The following MSRA variants were observed in gnomAD, a reference collection of about 807,000 sequenced individuals.
MSRA encodes methionine sulfoxide reductase A.
Under a neutral mutation model 31.3 loss-of-function variants are expected in MSRA, and 54 were observed. That is an observed-to-expected ratio of 1.73 (90% CI 1.39 to 2.17). The LOEUF is 2.17. Ranked by LOEUF, MSRA falls within the 30% of genes most tolerant of loss-of-function variation. The pLI is 0.00. For synonymous variants in MSRA, 169 were observed against 116.5 expected, an observed-to-expected ratio of 1.45 and a Z score of -2.90; for missense variants, 507 against 300.9, an observed-to-expected ratio of 1.69 and a Z score of -5.07.
At chr8:10,297,796 G>A (rs1366620625) in intron 3 of MSRA, among the ~76,000 whole-genome samples, 1 of 152,202 alleles carries the variant, frequency 6.6e-6, no homozygotes, top group African/African-American at 2.4e-5. Context: ...AACGTCAGTG[G>A]CAGATTATGT....
chr8:10,077,175 C>T (rs982770596), intron 1 of MSRA, among the ~76,000 whole-genome samples: 4 of 152,114 alleles, frequency 2.6e-5, no homozygotes, highest in Non-Finnish European at 5.9e-5. Flanking sequence ...GATGGTCGGC[C>T]ACAGCCATTG....
intron 5 of MSRA, among the ~76,000 whole-genome samples, chr8:10,420,085 G>A (rs1040487897): frequency 6.6e-6 from 1 of 152,186 alleles, no homozygotes; most frequent in African/African-American, 2.4e-5. Flanking sequence ...TGTACGTAGA[G>A]TGGAATAGTG....
At chr8:10,064,793 G>C (rs938338179) in intron 1 of MSRA, among the ~76,000 whole-genome samples, 3 of 152,172 alleles carry the variant, frequency 2.0e-5, no homozygotes, top group African/African-American at 7.2e-5. Context: ...GCATGGTTCA[G>C]ATGAGGCCAC....
rs746656712 is a variant in MSRA at position 10,428,134 on chromosome 8, C to G, written c.544-14C>G. The G allele has an allele frequency of 1.2e-6, 2 of 1,606,342 alleles. No individual in the cohort carries two copies. The highest frequency in any genetic ancestry group is 1.7e-6 in the Non-Finnish European group (2 of 1,177,596). ...TAGCATGGGAGCTGATGGCGCCTTT[C>G]TGTGTCCCCACAGGTTCTTTCAGAG... On this transcript the variant is annotated splice_polypyrimidine_tract_variant and intron_variant, in intron 5 of 5. Coordinates refer to ENST00000317173, the MANE Select transcript of MSRA (RefSeq NM_012331.5).
At chr8:10,147,385 G>A (rs1215064198) in intron 1 of MSRA, among the ~76,000 whole-genome samples, 2 of 152,162 alleles carry the variant, frequency 1.3e-5, no homozygotes, top group Non-Finnish European at 2.9e-5. Context: ...CTGTTGGCAG[G>A]AGGCCTCAGA....
intron 3 of MSRA, among the ~76,000 whole-genome samples, chr8:10,253,790 G>C (rs1798036604): frequency 2.0e-5 from 3 of 152,106 alleles, no homozygotes; most frequent in South Asian, 4.1e-4. Context: ...TATGGGATAT[G>C]CTGGGTCTTA....
intron 1 of MSRA, among the ~76,000 whole-genome samples, chr8:10,144,206 C>G (rs1049084728): frequency 1.3e-5 from 2 of 152,122 alleles, no homozygotes; most frequent in African/African-American, 4.8e-5. Flanking sequence ...AGGTGCATAT[C>G]GCTAGTCGTA....
At chr8:10,221,006 G>A (rs1482923361) in intron 2 of MSRA, among the ~76,000 whole-genome samples, 1 of 152,170 alleles carries the variant, frequency 6.6e-6, no homozygotes, top group Admixed American at 6.5e-5. Flanking sequence ...GTGCCTGGCG[G>A]GTGTGTCTTT....
chr8:10,271,065 CTTT>C (rs71837112), intron 3 of MSRA, among the ~76,000 whole-genome samples: 1 of 142,844 alleles, frequency 7.0e-6, no homozygotes. Context: ...GTTCTTTCTT[CTTT>C]TTTTTTTTTT....
intron 1 of MSRA, among the ~76,000 whole-genome samples, chr8:10,113,257 G>C (rs920314247): frequency 7.5e-6 from 1 of 132,880 alleles, no homozygotes; most frequent in Admixed American, 8.6e-5. Flanking sequence ...CCCTACCTGG[G>C]CTGGGGAGGC....
chr8:10,260,700 G>A (rs192820075), intron 3 of MSRA, among the ~76,000 whole-genome samples: 8 of 152,196 alleles, frequency 5.3e-5, no homozygotes, highest in African/African-American at 1.9e-4. Flanking sequence ...ATTGGTGGGG[G>A]GGAATAAAAA....
chr8:10,065,136 T>A (rs963978842), intron 1 of MSRA, among the ~76,000 whole-genome samples: 2 of 151,938 alleles, frequency 1.3e-5, no homozygotes, highest in African/African-American at 4.8e-5. Flanking sequence ...GTCCCTGGGG[T>A]GTCTGGCTTA....
chr8:10,197,257 A>G (rs1476341594), intron 1 of MSRA, among the ~76,000 whole-genome samples: 2 of 152,248 alleles, frequency 1.3e-5, no homozygotes, highest in African/African-American at 4.8e-5. Flanking sequence ...TTATATGCTT[A>G]TCACAGACGC....
At chr8:10,239,606 C>T (rs925815879) in intron 2 of MSRA, among the ~76,000 whole-genome samples, 1 of 152,252 alleles carries the variant, frequency 6.6e-6, no homozygotes, top group Admixed American at 6.5e-5. Flanking sequence ...CTACTTGTCC[C>T]TGTAGCAGTG....
At chr8:10,416,760 G>C (rs1808485380) in intron 5 of MSRA, among the ~76,000 whole-genome samples, 1 of 152,218 alleles carries the variant, frequency 6.6e-6, no homozygotes, top group Non-Finnish European at 1.5e-5. Context: ...GAAGGGCCCA[G>C]ACTTTGCATT....
chr8:10,111,500 C>A (rs750393734), intron 1 of MSRA, among the ~76,000 whole-genome samples: 29 of 152,294 alleles, frequency 1.9e-4, no homozygotes, highest in Middle Eastern at 3.4e-3. Flanking sequence ...TTCCCTTCTT[C>A]ACTCCTGCAG....
chr8:10,112,636 G>C (rs1563108901), intron 1 of MSRA, among the ~76,000 whole-genome samples: 2 of 152,192 alleles, frequency 1.3e-5, no homozygotes, highest in Non-Finnish European at 2.9e-5. Flanking sequence ...TAAGCTCCCT[G>C]TCTTGTAAAA....
At chr8:10,322,776 T>C (rs758050072) in intron 5 of MSRA, among the ~76,000 whole-genome samples, 2 of 152,152 alleles carry the variant, frequency 1.3e-5, no homozygotes, top group Non-Finnish European at 2.9e-5. Flanking sequence ...CTGATAAGAT[T>C]ACTTGGGAAA....
chr8:10,173,258 G>C (rs1253450360), intron 1 of MSRA, among the ~76,000 whole-genome samples: 1 of 152,236 alleles, frequency 6.6e-6, no homozygotes, highest in Non-Finnish European at 1.5e-5. Context: ...GGCTCTCCGT[G>C]TCTGCCTGCA....
Sources: allele counts gnomAD v4.1 joint callset (sites outside exome capture counted in the v4.1 genomes callset), GRCh38; gene constraint gnomAD v4.1.1; transcripts MANE v1.5; gene names NCBI Gene and HGNC (gene_info 2026-07-23, HGNC 2026-07-21).